The following CNTLN variants were observed in gnomAD, a reference collection of about 807,000 sequenced individuals.
The protein encoded by CNTLN is centlein, centrosomal protein.
A neutral mutation model predicts 180.0 loss-of-function variants in CNTLN; 212 were observed. That is an observed-to-expected ratio of 1.18 (90% confidence interval 1.05 to 1.32). CNTLN has a LOEUF of 1.32. CNTLN is among the 40% of genes most tolerant of loss of function. The pLI is 0.00. For synonymous variants in CNTLN, 722 were observed against 563.1 expected (o/e 1.28, Z -3.99); for missense variants, 2,095 against 1,610.9 (o/e 1.30, Z -5.14).
chr9:17,510,061 G>A, the CNTLN span, among the ~76,000 whole-genome samples: 4 of 151,992 alleles, frequency 2.6e-5, no homozygotes, highest in Admixed American at 1.3e-4. Flanking sequence ...GATCCTTTAC[G>A]GTATCTCTTA....
chr9:17,155,676 C>T (rs1404523609), intron 2 of CNTLN, among the ~76,000 whole-genome samples: 2 of 152,124 alleles, frequency 1.3e-5, no homozygotes, highest in African/African-American at 4.8e-5. Flanking sequence ...GAATTTAAAG[C>T]CAGTAGATCT....
chr9:17,224,098 T>G (rs1824315219), intron 2 of CNTLN, among the ~76,000 whole-genome samples: 1 of 152,030 alleles, frequency 6.6e-6, no homozygotes, highest in Non-Finnish European at 1.5e-5. Flanking sequence ...AACAACAACC[T>G]TCGTTTCACT....
At chr9:17,295,991 AGAGAGAGTGTGTGTGTGTGTGTGT>A (rs1817889745) in intron 6 of CNTLN, among the ~76,000 whole-genome samples, 1 of 76,614 alleles carries the variant, frequency 1.3e-5, no homozygotes, top group Non-Finnish European at 2.3e-5. Flanking sequence ...AGAGAGAGAG[AGAGAGAGTGTGTGTGTGTGTGTGT>A]GTGTGTGTGT....
intron 8 of CNTLN, among the ~76,000 whole-genome samples, chr9:17,326,533 T>C (rs1398865028): frequency 6.6e-6 from 1 of 152,098 alleles, no homozygotes; most frequent in Non-Finnish European, 1.5e-5. Context: ...ATACATATAA[T>C]AGTTATATGT....
chr9:17,440,588 C>CA (rs35350865), intron 18 of CNTLN, among the ~76,000 whole-genome samples: 5,116 of 114,604 alleles, frequency 0.045, 403 homozygotes, highest in African/African-American at 0.17. Flanking sequence ...GACTCCGTCT[C>CA]AAAAAAAAAA....
chr9:17,247,264 C>A (rs1410910123), intron 5 of CNTLN, among the ~76,000 whole-genome samples: 1 of 152,092 alleles, frequency 6.6e-6, no homozygotes, highest in African/African-American at 2.4e-5. Flanking sequence ...CCTCAGATCA[C>A]CTTAGCTCAT....
chr9:17,344,087 A>G (rs1437585710), intron 12 of CNTLN, among the ~76,000 whole-genome samples: 1 of 152,208 alleles, frequency 6.6e-6, no homozygotes, highest in Non-Finnish European at 1.5e-5. Flanking sequence ...GAATTAGTTG[A>G]GAGACCTAAT....
At chr9:17,414,111 T>G (rs1033353388) in intron 16 of CNTLN, among the ~76,000 whole-genome samples, 2 of 152,320 alleles carry the variant, frequency 1.3e-5, no homozygotes, top group East Asian at 3.9e-4. Flanking sequence ...AACTAGGCTT[T>G]CTTTCTTGCC....
intron 13 of CNTLN, among the ~76,000 whole-genome samples, chr9:17,380,509 C>T (rs1005231937): frequency 3.3e-5 from 5 of 152,100 alleles, no homozygotes; most frequent in African/African-American, 1.2e-4. Context: ...AGTGTAACTC[C>T]CTTCAGAGAC....
intron 6 of CNTLN, among the ~76,000 whole-genome samples, chr9:17,283,193 C>T (rs915264869): frequency 2.6e-5 from 4 of 152,106 alleles, no homozygotes; most frequent in African/African-American, 4.8e-5. Context: ...TGGCCATTTT[C>T]ACGATGTTGA....
intron 25 of CNTLN, among the ~76,000 whole-genome samples, chr9:17,501,202 T>C (rs1306195522): frequency 6.6e-6 from 1 of 152,230 alleles, no homozygotes; most frequent in Non-Finnish European, 1.5e-5. Flanking sequence ...TTATACTTTC[T>C]TTAGTGGTAA....
chr9:17,502,166 T>C (rs1364399018), intron 25 of CNTLN, among the ~76,000 whole-genome samples: 1 of 152,206 alleles, frequency 6.6e-6, no homozygotes, highest in Non-Finnish European at 1.5e-5. Flanking sequence ...CTCATTCTTT[T>C]ATGAGTGATG....
chr9:17,522,851 G>A, the CNTLN span, among the ~76,000 whole-genome samples: 12 of 152,182 alleles, frequency 7.9e-5, no homozygotes, highest in Admixed American at 2.6e-4. Flanking sequence ...CATGATGCCC[G>A]CTGACAAAAT....
intron 7 of CNTLN, among the ~76,000 whole-genome samples, chr9:17,305,434 C>T (rs990779644): frequency 6.6e-6 from 1 of 151,538 alleles, no homozygotes; most frequent in African/African-American, 2.4e-5. Context: ...AATCTTATTG[C>T]TAATAGGGAA....
intron 7 of CNTLN, among the ~76,000 whole-genome samples, chr9:17,306,941 G>A (rs1370541915): frequency 2.6e-5 from 4 of 152,104 alleles, no homozygotes; most frequent in African/African-American, 9.7e-5. Flanking sequence ...TAGCTCTTGT[G>A]TCCAGGGTTT....
intron 10 of CNTLN, among the ~76,000 whole-genome samples, chr9:17,333,847 T>A (rs570180317): frequency 1.1e-4 from 16 of 152,322 alleles, no homozygotes; most frequent in Non-Finnish European, 1.8e-4. Flanking sequence ...GTTTCCTCAA[T>A]AGCAATTACT....
rs1455847252 is a variant in CNTLN, at chr9:17,352,408, ATATATATATTTTT to A, written c.1886+9966_1886+9978del. On this transcript the variant is annotated intron_variant, in intron 12 of 25. Coordinates refer to ENST00000380647, the MANE Select transcript of CNTLN (RefSeq NM_017738.4). ...AGCTAGAATATATATATATATATATATATATATATTTTTTTTTTTTTTGGTATGTAGAAATGAG... is the reference window on the plus strand; with the variant it reads ...AGCTAGAATATATATATATATATATATTTTTTTTTGGTATGTAGAAATGAG... 3.3e-3 allele frequency among the ~76,000 whole-genome samples: 150 copies of A among 45,308 alleles called. 1 individual carries two copies. The highest frequency in any genetic ancestry group is 9.3e-3 in the African/African-American group (142 of 15,302). 29.7% of individuals were successfully genotyped at this position (45,308 alleles called of 152,430 possible). A position where few individuals can be genotyped will look rare whatever the true frequency, so the allele number is the denominator to read the frequency against.
At chr9:17,518,955 T>A in the CNTLN span, among the ~76,000 whole-genome samples, 1 of 152,052 alleles carries the variant, frequency 6.6e-6, no homozygotes, top group Non-Finnish European at 1.5e-5. Context: ...TGAGACAGGG[T>A]CTCTGTCACC....
intron 23 of CNTLN, among the ~76,000 whole-genome samples, chr9:17,470,084 T>A (rs1386552328): frequency 1.3e-5 from 2 of 151,942 alleles, no homozygotes; most frequent in African/African-American, 4.8e-5. Flanking sequence ...TTAACACAGT[T>A]GTAAACTTGT....
Sources: gnomAD v4.1 joint callset for allele counts (sites outside exome capture counted in the v4.1 genomes callset) on GRCh38, gnomAD v4.1.1 for gene constraint, MANE v1.5 for transcripts, NCBI Gene and HGNC (gene_info 2026-07-23, HGNC 2026-07-21) for gene names.